Variants in EPHA6 observed in about 807,000 individuals in gnomAD.
EPHA6 encodes EPH receptor A6.
Under a neutral mutation model 112.0 loss-of-function variants are expected in EPHA6, and 50 were observed. The observed-to-expected ratio is 0.45, with a 90% confidence interval of 0.36 to 0.56. EPHA6 has a LOEUF of 0.56. Ranked by LOEUF, EPHA6 falls within the 20% of genes least tolerant of loss-of-function variation. EPHA6 has a pLI of 0.00. For synonymous variants in EPHA6, 529 were observed against 490.7 expected, an observed-to-expected ratio of 1.08 and a Z score of -1.03; for missense variants, 1,280 against 1,417.4, an observed-to-expected ratio of 0.90 and a Z score of 1.56.
At chr3:96,819,852 A>T (rs1306808278) in intron 1 of EPHA6, among the ~76,000 whole-genome samples, 1 of 152,178 alleles carries the variant, frequency 6.6e-6, no homozygotes, top group African/African-American at 2.4e-5. Context: ...AAGATAAGGC[A>T]TGTGAACTCA....
intron 5 of EPHA6, among the ~76,000 whole-genome samples, chr3:97,354,292 T>C (rs2083955649): frequency 6.6e-6 from 1 of 151,898 alleles, no homozygotes; most frequent in Admixed American, 6.6e-5. Context: ...CCAAACAAAC[T>C]AAATAAGGTA....
chr3:96,978,116 C>T (rs571586354), intron 2 of EPHA6, among the ~76,000 whole-genome samples: 11 of 152,194 alleles, frequency 7.2e-5, no homozygotes, highest in South Asian at 4.1e-4. Context: ...CCAAAAATTG[C>T]GCCACTTTGC....
chr3:97,338,590 A>T (rs2108849943), intron 5 of EPHA6, among the ~76,000 whole-genome samples: 1 of 152,290 alleles, frequency 6.6e-6, no homozygotes, highest in Non-Finnish European at 1.5e-5. Flanking sequence ...CAACCCTATT[A>T]TAGCTGACTT....
intron 2 of EPHA6, among the ~76,000 whole-genome samples, chr3:96,961,171 G>A (rs944186318): frequency 2.3e-4 from 35 of 152,220 alleles, no homozygotes; most frequent in African/African-American, 8.0e-4. Context: ...ATGCCCCTCA[G>A]GCAAAGGGAG....
intron 14 of EPHA6, among the ~76,000 whole-genome samples, chr3:97,684,433 T>C (rs2032098839): frequency 6.6e-6 from 1 of 152,316 alleles, no homozygotes; most frequent in South Asian, 2.1e-4. Flanking sequence ...GCTGACTCTA[T>C]GCTGATTGAC....
chr3:97,748,504 G>T (rs2035805960), intron 17 of EPHA6, 83 bp from the exon 18 acceptor site: 1 of 733,798 alleles, frequency 1.4e-6, no homozygotes, highest in African/African-American at 1.8e-5. Context: ...AGATCTGAAT[G>T]TTCATATTCT....
intron 5 of EPHA6, among the ~76,000 whole-genome samples, chr3:97,359,779 T>C (rs2084275721): frequency 6.6e-6 from 1 of 152,144 alleles, no homozygotes; most frequent in Admixed American, 6.5e-5. Flanking sequence ...TTTATTTTTT[T>C]TATTGCTATA....
At chr3:96,925,168 G>A (rs749037949) in intron 2 of EPHA6, among the ~76,000 whole-genome samples, 1 of 152,174 alleles carries the variant, frequency 6.6e-6, no homozygotes, top group African/African-American at 2.4e-5. Context: ...CATAGAATGA[G>A]TCAGGGAGGA....
At chr3:97,461,626 T>A (rs920905529) in intron 7 of EPHA6, among the ~76,000 whole-genome samples, 1 of 152,210 alleles carries the variant, frequency 6.6e-6, no homozygotes, top group African/African-American at 2.4e-5. Context: ...TTCTTGCATA[T>A]AGATACCATA....
At chr3:97,530,570 T>G (rs1219651105) in intron 10 of EPHA6, among the ~76,000 whole-genome samples, 2 of 151,316 alleles carry the variant, frequency 1.3e-5, no homozygotes, top group Non-Finnish European at 3.0e-5. Context: ...AGGAAATTCA[T>G]CCTCCAACAG....
intron 3 of EPHA6, among the ~76,000 whole-genome samples, chr3:97,102,777 C>T (rs190976196): frequency 6.6e-6 from 1 of 152,008 alleles, no homozygotes; most frequent in Non-Finnish European, 1.5e-5. Flanking sequence ...ACAACCTTGC[C>T]AGCATCTGTT....
At chr3:97,617,357 T>C (rs1307269147) in intron 13 of EPHA6, among the ~76,000 whole-genome samples, 1 of 151,912 alleles carries the variant, frequency 6.6e-6, no homozygotes, top group Non-Finnish European at 1.5e-5. Flanking sequence ...CACTATAAAT[T>C]AACCACATAA....
intron 3 of EPHA6, among the ~76,000 whole-genome samples, chr3:97,215,647 A>G (rs2108522450): frequency 6.6e-6 from 1 of 152,184 alleles, no homozygotes; most frequent in South Asian, 2.1e-4. Context: ...TGATATTTCA[A>G]TCACTGTATC....
intron 2 of EPHA6, among the ~76,000 whole-genome samples, chr3:96,971,930 A>G (rs2042330290): frequency 6.6e-6 from 1 of 152,296 alleles, no homozygotes; most frequent in East Asian, 1.9e-4. Context: ...TTATTGGCAT[A>G]TACTACAAAA....
intron 1 of EPHA6, among the ~76,000 whole-genome samples, chr3:96,839,888 TA>T (rs901256315): frequency 3.3e-5 from 5 of 152,158 alleles, no homozygotes; most frequent in African/African-American, 1.2e-4. Context: ...GTAATCCAGT[TA>T]AAAAAATAAT....
At chr3:97,724,350 AC>A (rs1194013343) in intron 15 of EPHA6, among the ~76,000 whole-genome samples, 2 of 152,162 alleles carry the variant, frequency 1.3e-5, no homozygotes, top group Non-Finnish European at 2.9e-5. Flanking sequence ...AGTACACAGA[AC>A]TAGTCCATAA....
In EPHA6 at chr3:97,448,614, G is replaced by A. The variant is rs757394593; in HGVS notation, c.1778G>A (p.Ser593Asn). The part of the protein sequence containing the change: ...TYSSTRSKAP[S>N]VIITGLKPAT... Reference sequence around the variant, plus strand: ...TCTTCCACAAGGTCCAAAGCCCCCAGTGTCATCATCACAGGTCTTAAGCCA... The same window carrying A: ...TCTTCCACAAGGTCCAAAGCCCCCAATGTCATCATCACAGGTCTTAAGCCA... Residue 593 changes from serine (S) to asparagine (N), a missense_variant, in exon 7 of 18, where the codon AGT (serine) becomes AAT (asparagine). By Grantham distance (46) the Ser-to-Asn change is conservative. This residue lies in a region of EPHA6 where 878 missense variants were observed against 999.7 expected (regional missense o/e 0.88). Transcript: ENST00000389672. 9.3e-6 allele frequency: 15 copies of A among 1,613,370 alleles called. No homozygotes were observed. Among genetic ancestry groups the A allele is most frequent in the Non-Finnish European group, 1.3e-5 (15 of 1,179,580 alleles).
intron 3 of EPHA6, among the ~76,000 whole-genome samples, chr3:97,017,611 C>T (rs2044308052): frequency 6.6e-6 from 1 of 152,124 alleles, no homozygotes; most frequent in South Asian, 2.1e-4. Context: ...GGCAAGTGAC[C>T]TACACAGACA....
rs531922612 is a variant in EPHA6, at chr3:97,754,614, G to C, written c.*5913G>C. ...TGAATAAACTTTACCTTTTAAAAAGGAATCTGTCAACTGCAAAGTTTGTAT... is the reference window on the plus strand; with the variant it reads ...TGAATAAACTTTACCTTTTAAAAAGCAATCTGTCAACTGCAAAGTTTGTAT... On this transcript the variant is annotated 3_prime_UTR_variant, in exon 18 of 18. Coordinates refer to ENST00000389672, the MANE Select transcript of EPHA6 (RefSeq NM_001080448.3). 6.6e-6 allele frequency among the ~76,000 whole-genome samples: 1 copy of C among 152,306 alleles called. No homozygotes were observed. Among genetic ancestry groups the C allele is most frequent in the South Asian group, 2.1e-4 (1 of 4,832 alleles).
Sources: gnomAD v4.1 joint callset for allele counts (sites outside exome capture counted in the v4.1 genomes callset) on GRCh38, gnomAD v4.1.1 for gene constraint, gnomAD v4.1.1 regional missense constraint, MANE v1.5 for transcripts, NCBI Gene and HGNC (gene_info 2026-07-23, HGNC 2026-07-21) for gene names.